Variants in ABCB4 observed in about 807,000 individuals in gnomAD.
ABCB4 encodes the protein ATP binding cassette subfamily B member 4.
In ABCB4, 76 loss-of-function variants were observed where a neutral mutation model predicts 145.7. That is an observed-to-expected ratio of 0.52 (90% CI 0.43 to 0.63). The LOEUF (loss-of-function observed/expected upper bound fraction) is 0.63. ABCB4 is among the 30% of genes least tolerant of loss of function. The probability of loss-of-function intolerance (pLI) is 0.00; values close to 1 mark genes in which losing one functional copy is unlikely to be tolerated. For synonymous variants in ABCB4, 517 were observed against 566.8 expected, an observed-to-expected ratio of 0.91 and a Z score of 1.25; for missense variants, 1,234 against 1,553.1, an observed-to-expected ratio of 0.79 and a Z score of 3.45.
intron 7 of ABCB4, among the ~76,000 whole-genome samples, chr7:87,450,602 C>T (rs946163762): frequency 5.3e-5 from 8 of 151,848 alleles, no homozygotes; most frequent in Non-Finnish European, 1.2e-4. Context: ...TCCCGAGTAG[C>T]TGGGACTACA....
downstream of ABCB4, chr7:87,398,814 C>T: frequency 1.5e-6 from 1 of 647,820 alleles, no homozygotes; most frequent in Non-Finnish European, 2.6e-6. Flanking sequence ...TAAATTTATT[C>T]TGCCATAGAA....
the ABCB4 span, chr7:87,392,986 T>A: frequency 6.2e-7 from 1 of 1,613,742 alleles, no homozygotes; most frequent in Non-Finnish European, 8.5e-7. Context: ...ACAAGTCTGG[T>A]TGGCTATTTA....
the ABCB4 span, chr7:87,392,487 A>G: frequency 9.0e-7 from 1 of 1,111,104 alleles, no homozygotes; most frequent in Non-Finnish European, 1.4e-6. Context: ...CCCAATCCTA[A>G]TTACAATGAG....
chr7:87,473,979 A>C (rs1479279247), intron 2 of ABCB4, among the ~76,000 whole-genome samples: 1 of 152,210 alleles, frequency 6.6e-6, no homozygotes, highest in Non-Finnish European at 1.5e-5. Flanking sequence ...TCCTTTAAAT[A>C]TATTATCTTT....
chr7:87,452,976 G>A lies in ABCB4; in HGVS notation c.504C>T (p.Asn168=), dbSNP rs1202283. 838,449 of 1,613,056 alleles carry A rather than the reference G, an allele frequency of 0.52. 228,424 individuals carry two copies. The highest frequency in any genetic ancestry group is 0.56 in the Non-Finnish European group (661,075 of 1,179,324). Residue 168 remains asparagine, a synonymous_variant, in exon 6 of 28, where the codon AAC becomes AAT. Coordinates refer to ENST00000649586, the MANE Select transcript of ABCB4 (RefSeq NM_000443.4). The part of the protein sequence containing the change: ...LRQEIGWFDI[N]DTTELNTRLT... ...GCCGCGTATTGAGTTCAGTGGTGTC[G>A]TTGATGTCAAACCATCCTATTTCCT...
chr7:87,460,144 A>G (rs1022563688), intron 4 of ABCB4, among the ~76,000 whole-genome samples: 4 of 152,200 alleles, frequency 2.6e-5, no homozygotes, highest in African/African-American at 7.2e-5. Flanking sequence ...CAGACCATTT[A>G]ATAGACCCTT....
At chr7:87,375,652 A>G in the ABCB4 span, 4 of 1,613,106 alleles carry the variant, frequency 2.5e-6, no homozygotes, top group African/African-American at 1.3e-5. Context: ...TATATCCACA[A>G]GAAGTGCCAT....
intron 3 of ABCB4, among the ~76,000 whole-genome samples, chr7:87,469,922 G>A (rs1008661889): frequency 1.3e-5 from 2 of 152,204 alleles, no homozygotes; most frequent in African/African-American, 4.8e-5. Flanking sequence ...TCAATCCTAA[G>A]CTAAAAGAAC....
intron 3 of ABCB4, among the ~76,000 whole-genome samples, chr7:87,467,969 C>G (rs1813050488): frequency 6.6e-6 from 1 of 152,170 alleles, no homozygotes; most frequent in Non-Finnish European, 1.5e-5. Context: ...GACACCCTAA[C>G]ATCACAATTA....
the ABCB4 span, chr7:87,381,781 A>G: frequency 9.1e-5 from 54 of 593,032 alleles, 1 homozygote; most frequent in African/African-American, 8.7e-4. Context: ...CATATCCTCA[A>G]GAGGTGAGGC....
Position 87,439,383 on chromosome 7 carries a change from CA to C in ABCB4, c.1731+283del, listed in dbSNP as rs1213830536. Among the ~76,000 whole-genome samples the C allele has an allele frequency of 3.3e-5, 5 of 152,162 alleles. No individual in the cohort carries two copies. In the East Asian group the frequency reaches 7.7e-4, roughly 23 times the overall value. On this transcript the variant is annotated intron_variant, in intron 14 of 27. Coordinates refer to ENST00000649586, the MANE Select transcript of ABCB4 (RefSeq NM_000443.4). The stretch of plus-strand genomic sequence containing the variant: ...ATATTTTAACATGACTACTTTTGGT[CA>C]AAAGTAGTCTTGCAATAGCCCATGT...
At chr7:87,430,870 A>T (rs2116602763) in intron 15 of ABCB4, among the ~76,000 whole-genome samples, 1 of 152,248 alleles carries the variant, frequency 6.6e-6, no homozygotes, top group African/African-American at 2.4e-5. Context: ...TCCTAGAGCC[A>T]CAAATCTTGA....
the ABCB4 span, chr7:87,377,477 T>A: frequency 7.5e-7 from 1 of 1,326,226 alleles, no homozygotes; most frequent in Non-Finnish European, 1.1e-6. Context: ...AATTTTTCTC[T>A]TTTGATCTTT....
chr7:87,414,037 G>A (rs966816899), intron 21 of ABCB4, among the ~76,000 whole-genome samples: 1 of 152,164 alleles, frequency 6.6e-6, no homozygotes, highest in African/African-American at 2.4e-5. Flanking sequence ...ACTGGCCTTA[G>A]TCACAACCCC....
chr7:87,370,839 C>T, the ABCB4 span, among the ~76,000 whole-genome samples: 1 of 152,176 alleles, frequency 6.6e-6, no homozygotes, highest in Non-Finnish European at 1.5e-5. Flanking sequence ...GTCTGGAGCA[C>T]ACCCAGGAGA....
At chr7:87,378,630 A>G in the ABCB4 span, among the ~76,000 whole-genome samples, 1 of 152,196 alleles carries the variant, frequency 6.6e-6, no homozygotes, top group South Asian at 2.1e-4. Flanking sequence ...AGACTCCCAA[A>G]GGAAATAGTC....
chr7:87,379,988 A>C, the ABCB4 span, among the ~76,000 whole-genome samples: 1 of 152,066 alleles, frequency 6.6e-6, no homozygotes. Flanking sequence ...ATGCATACCT[A>C]TACTCCCAAC....
chr7:87,455,066 T>C (rs1812022937), intron 4 of ABCB4, among the ~76,000 whole-genome samples: 1 of 152,218 alleles, frequency 6.6e-6, no homozygotes, highest in South Asian at 2.1e-4. Flanking sequence ...CTGTGTGTTT[T>C]TTCTTTACAT....
Position 87,405,741 on chromosome 7 carries a change from G to A in ABCB4, c.3486+547C>T, listed in dbSNP as rs140413342. Among the ~76,000 whole-genome samples the A allele has an allele frequency of 6.1e-4, 93 of 152,110 alleles. 1 individual carries two copies. Among genetic ancestry groups the A allele is most frequent in the African/African-American group, 2.0e-3 (83 of 41,492 alleles). On this transcript the variant is annotated intron_variant, in intron 26 of 27. Coordinates refer to ENST00000649586, the MANE Select transcript of ABCB4 (RefSeq NM_000443.4). Reference sequence around the variant, plus strand: ...TGCCTGGCCAGTGTTCTTAATTAGTGGATCTATGAATCCCCATCTGCAATA... The same window carrying A: ...TGCCTGGCCAGTGTTCTTAATTAGTAGATCTATGAATCCCCATCTGCAATA...
Sources: allele counts gnomAD v4.1 joint callset (sites outside exome capture counted in the v4.1 genomes callset), GRCh38; gene constraint gnomAD v4.1.1; transcripts MANE v1.5; gene names NCBI Gene and HGNC (gene_info 2026-07-23, HGNC 2026-07-21).